Variants in TENM3 observed in about 807,000 individuals in gnomAD.
TENM3 encodes teneurin-3.
A neutral mutation model predicts 255.1 loss-of-function variants in TENM3; 63 were observed. The ratio of observed to expected loss-of-function variants is 0.25; its 90% CI spans 0.20 to 0.30. The LOEUF (loss-of-function observed/expected upper bound fraction) is 0.30, where lower values mean the gene tolerates loss of function less well. Ranked by LOEUF, TENM3 falls within the 10% of genes least tolerant of loss-of-function variation. The pLI, the probability that TENM3 is intolerant of heterozygous loss-of-function variation, is 1.00. For synonymous variants in TENM3, 1,306 were observed against 1,322.3 expected (o/e 0.99, Z 0.27); for missense variants, 2,929 against 3,461.1 (o/e 0.85, Z 3.86).
chr4:181,776,766 A>T, the TENM3 span, among the ~76,000 whole-genome samples: 28 of 151,642 alleles, frequency 1.8e-4, no homozygotes, highest in Non-Finnish European at 3.2e-4. Flanking sequence ...TTTTAATGAG[A>T]TTATTTGTTT....
chr4:182,798,299 G>A (rs1247586012), intron 27 of TENM3, among the ~76,000 whole-genome samples: 4 of 152,170 alleles, frequency 2.6e-5, no homozygotes, highest in Admixed American at 6.5e-5. Context: ...TGAGCCACCG[G>A]GCTCTGCCAA....
At chr4:182,293,183 G>A (rs150091141) in intron 1 of TENM3, among the ~76,000 whole-genome samples, 6 of 152,290 alleles carry the variant, frequency 3.9e-5, no homozygotes, top group Admixed American at 2.0e-4. Flanking sequence ...CTAGGATGAC[G>A]TAACAAGTGG....
intron 3 of TENM3, among the ~76,000 whole-genome samples, chr4:182,431,430 C>T (rs1771633844): frequency 1.3e-5 from 2 of 151,458 alleles, no homozygotes; most frequent in African/African-American, 4.9e-5. Context: ...GGAGGTGGAG[C>T]TTGCAGTGTG....
the TENM3 span, among the ~76,000 whole-genome samples, chr4:181,888,525 T>TATATATATATAC: frequency 4.4e-3 from 437 of 99,840 alleles, 21 homozygotes; most frequent in African/African-American, 0.021. Context: ...TGTATATATA[T>TATATATATATAC]ACATATATGT....
At chr4:181,867,716 AG>A in the TENM3 span, among the ~76,000 whole-genome samples, 1 of 152,196 alleles carries the variant, frequency 6.6e-6, no homozygotes, top group East Asian at 1.9e-4. Flanking sequence ...AATGTTGTAT[AG>A]GATAGCAATT....
chr4:182,792,882 T>A lies in TENM3; in HGVS notation c.6210T>A (p.Ile2070=). The A allele has an allele frequency of 1.2e-6, 2 of 1,613,946 alleles. No homozygotes were observed. The highest frequency in any genetic ancestry group is 1.7e-6 in the Non-Finnish European group (2 of 1,179,858). ...TATATTATGATATTAACCAGATCAT[T>A]TCTACAGCTGTAATGACCTATACGA... The part of the protein sequence containing the change: ...GVIYYDINQI[I]STAVMTYTKH... The change falls in exon 26 of 28, where the codon ATT becomes ATA. Residue 2070 remains isoleucine (I), a synonymous_variant. Transcript: ENST00000511685. This position sits in a 1 kb window ranked among gnomAD's most constrained non-coding sequence, Gnocchi z 6.3.
At chr4:182,271,156 G>T (rs1045701905) in intron 1 of TENM3, among the ~76,000 whole-genome samples, 1 of 152,150 alleles carries the variant, frequency 6.6e-6, no homozygotes, top group African/African-American at 2.4e-5. Flanking sequence ...GGCTCTTAGT[G>T]TTTATTATAA....
At chr4:181,902,776 C>A in the TENM3 span, among the ~76,000 whole-genome samples, 1 of 151,466 alleles carries the variant, frequency 6.6e-6, no homozygotes, top group Non-Finnish European at 1.5e-5. Flanking sequence ...GGGTGGGGGG[C>A]AAGGTGAGGG....
chr4:181,846,154 A>C, the TENM3 span, among the ~76,000 whole-genome samples: 4 of 152,176 alleles, frequency 2.6e-5, no homozygotes, highest in Non-Finnish European at 5.9e-5. Context: ...CCTGACTATG[A>C]ATATCTTTAA....
intron 3 of TENM3, among the ~76,000 whole-genome samples, chr4:182,427,608 A>C (rs1390395603): frequency 1.3e-5 from 2 of 152,238 alleles, no homozygotes; most frequent in Non-Finnish European, 2.9e-5. Context: ...TGGCTATAGA[A>C]AATGACATAG....
At chr4:182,029,679 C>T in the TENM3 span, among the ~76,000 whole-genome samples, 2 of 152,074 alleles carry the variant, frequency 1.3e-5, no homozygotes, top group South Asian at 2.1e-4. Context: ...ATAAAACAAA[C>T]TGTTGCTTTA....
At chr4:181,894,358 C>T in the TENM3 span, among the ~76,000 whole-genome samples, 1 of 152,232 alleles carries the variant, frequency 6.6e-6, no homozygotes, top group Admixed American at 6.5e-5. Context: ...AAGCTTGTGC[C>T]GTGGAGACCT....
intron 22 of TENM3, among the ~76,000 whole-genome samples, chr4:182,763,369 T>C (rs1257206398): frequency 3.9e-5 from 6 of 152,154 alleles, no homozygotes; most frequent in Non-Finnish European, 7.4e-5. Flanking sequence ...ATCGAGACCA[T>C]CCTAGCTAAC....
intron 3 of TENM3, among the ~76,000 whole-genome samples, chr4:182,593,725 C>G (rs1485883657): frequency 6.6e-6 from 1 of 152,194 alleles, no homozygotes; most frequent in East Asian, 1.9e-4. Context: ...CTCCTTTCCT[C>G]TCATCTCACA....
intron 3 of TENM3, among the ~76,000 whole-genome samples, chr4:182,403,698 A>T (rs1769359500): frequency 1.3e-5 from 2 of 152,180 alleles, no homozygotes; most frequent in Non-Finnish European, 2.9e-5. Context: ...ATGTAGTTTA[A>T]TAGCAGGTTC....
chr4:182,344,309 C>T (rs1516532), intron 2 of TENM3, among the ~76,000 whole-genome samples: 151,730 of 152,254 alleles, frequency 1, 75,605 homozygotes, highest in Middle Eastern at 1. Context: ...CTAACAGGGA[C>T]TCCTGCTATG....
At chr4:182,564,277 ATCTT>A (rs1743527387) in intron 3 of TENM3, among the ~76,000 whole-genome samples, 1 of 151,572 alleles carries the variant, frequency 6.6e-6, no homozygotes, top group African/African-American at 2.4e-5. Flanking sequence ...AATGAATCCA[ATCTT>A]TCTTTTATGT....
chr4:181,482,749 T>C, the TENM3 span, among the ~76,000 whole-genome samples: 4 of 152,130 alleles, frequency 2.6e-5, no homozygotes, highest in Non-Finnish European at 5.9e-5. Flanking sequence ...ATGTTTTGTC[T>C]CTGTATTTTA....
chr4:181,498,401 A>G, the TENM3 span, among the ~76,000 whole-genome samples: 2 of 152,022 alleles, frequency 1.3e-5, no homozygotes, highest in Non-Finnish European at 1.5e-5. Context: ...GATGTGAAGG[A>G]CTCCACTCAG....
Sources: allele counts gnomAD v4.1 joint callset (sites outside exome capture counted in the v4.1 genomes callset), GRCh38; gene constraint gnomAD v4.1.1; non-coding constraint Gnocchi (gnomAD v3.1); transcripts MANE v1.5; gene names NCBI Gene and HGNC (gene_info 2026-07-23, HGNC 2026-07-21).